The following CAMK1D variants were observed in gnomAD, a reference collection of about 807,000 sequenced individuals.
The protein encoded by CAMK1D is calcium/calmodulin dependent protein kinase ID, also known as calcium/calmodulin-dependent protein kinase type 1D.
Under a neutral mutation model 47.7 loss-of-function variants are expected in CAMK1D, and 9 were observed. The ratio of observed to expected loss-of-function variants is 0.19; its 90% CI spans 0.11 to 0.33. The LOEUF is 0.33. Among genes scored for constraint, CAMK1D ranks in the 10% least tolerant of loss-of-function variants. The pLI is 1.00. For missense variants in CAMK1D, 291 were observed against 488.7 expected (o/e 0.60, Z 3.81); for synonymous variants, 184 against 184.9 (o/e 0.99, Z 0.04).
At chr10:12,577,186 AG>A (rs58047854) in intron 2 of CAMK1D, among the ~76,000 whole-genome samples, 11,177 of 152,230 alleles carry the variant, frequency 0.073, 1,227 homozygotes, top group African/African-American at 0.24. Flanking sequence ...AACACAAGCC[AG>A]GACAAGCCCA....
intron 2 of CAMK1D, among the ~76,000 whole-genome samples, chr10:12,555,846 A>G (rs1334770446): frequency 1.3e-5 from 2 of 152,040 alleles, no homozygotes; most frequent in African/African-American, 2.4e-5. Context: ...TTTTAGCATT[A>G]TTTTTCATTT....
chr10:12,593,050 G>A (rs532718397), intron 2 of CAMK1D, among the ~76,000 whole-genome samples: 33 of 152,256 alleles, frequency 2.2e-4, no homozygotes, highest in African/African-American at 6.7e-4. Context: ...TCTATAAGGG[G>A]TCCAGTAGTA....
chr10:12,645,064 GT>G (rs1195677038), intron 2 of CAMK1D, among the ~76,000 whole-genome samples: 1 of 150,826 alleles, frequency 6.6e-6, no homozygotes, highest in Non-Finnish European at 1.5e-5. Flanking sequence ...TACTTCAGTT[GT>G]CTTAGAATCA....
At position 12,469,597 on chromosome 10, in the gene CAMK1D, T is replaced by C. The variant is rs145495073; in HGVS notation, c.93-83628T>C. Among the ~76,000 whole-genome samples the C allele has an allele frequency of 2.5e-3, 374 of 152,328 alleles. 4 individuals carry two copies. The highest frequency in any genetic ancestry group is 8.3e-3 in the African/African-American group (346 of 41,576). On this transcript the variant is annotated intron_variant, in intron 1 of 10. Transcript: ENST00000619168. ...ATAACTACACAACTACAGCTTATGA[T>C]GTGGAAACCTGGATAGCTTATTTCC...
chr10:12,448,237 C>T (rs748833990), intron 1 of CAMK1D, among the ~76,000 whole-genome samples: 19 of 151,654 alleles, frequency 1.3e-4, no homozygotes, highest in Non-Finnish European at 2.5e-4. Context: ...ATTGCCCAGG[C>T]TGATCTTGAA....
intron 2 of CAMK1D, among the ~76,000 whole-genome samples, chr10:12,622,189 A>G (rs1479062961): frequency 6.6e-6 from 1 of 152,142 alleles, no homozygotes; most frequent in East Asian, 1.9e-4. Flanking sequence ...TGAGGTGGAC[A>G]CCTAGGCCCC....
chr10:12,510,026 G>A (rs1305824291), intron 1 of CAMK1D, among the ~76,000 whole-genome samples: 1 of 152,206 alleles, frequency 6.6e-6, no homozygotes, highest in Non-Finnish European at 1.5e-5. Context: ...GGAAAGTCAG[G>A]CTTTCAGACA....
chr10:12,527,733 C>T (rs1835673562), intron 1 of CAMK1D, among the ~76,000 whole-genome samples: 1 of 152,200 alleles, frequency 6.6e-6, no homozygotes, highest in Non-Finnish European at 1.5e-5. Context: ...ATCCAGGAAA[C>T]TTACCAGTGG....
At chr10:12,373,941 A>C (rs1333306569) in intron 1 of CAMK1D, among the ~76,000 whole-genome samples, 1 of 136,264 alleles carries the variant, frequency 7.3e-6, no homozygotes, top group Non-Finnish European at 1.5e-5. Flanking sequence ...TGGGCAAGAC[A>C]GCGACACTCT....
At chr10:12,743,917 A>G (rs57253994) in intron 3 of CAMK1D, among the ~76,000 whole-genome samples, 18,432 of 151,908 alleles carry the variant, frequency 0.12, 2,805 homozygotes, top group African/African-American at 0.36. Context: ...CAGCTACTCC[A>G]GAGGCTGAAA....
intron 1 of CAMK1D, among the ~76,000 whole-genome samples, chr10:12,367,212 C>G (rs569404015): frequency 7.2e-5 from 11 of 152,226 alleles, no homozygotes; most frequent in Admixed American, 4.6e-4. Context: ...TGCTTCATGA[C>G]ATAAAATAAA....
chr10:12,472,624 C>T (rs1329444089), intron 1 of CAMK1D, among the ~76,000 whole-genome samples: 1 of 152,052 alleles, frequency 6.6e-6, no homozygotes, highest in African/African-American at 2.4e-5. Context: ...TGGGTACAAG[C>T]GATTCTCCTT....
At chr10:12,784,355 G>A (rs1223520886) in intron 5 of CAMK1D, among the ~76,000 whole-genome samples, 3 of 152,014 alleles carry the variant, frequency 2.0e-5, no homozygotes, top group Admixed American at 6.6e-5. Flanking sequence ...CCACCACCGC[G>A]TCTGGCTAAT....
intron 1 of CAMK1D, among the ~76,000 whole-genome samples, chr10:12,471,857 C>T (rs1390811467): frequency 6.6e-6 from 1 of 151,552 alleles, no homozygotes; most frequent in African/African-American, 2.4e-5. Flanking sequence ...CATAGCAAGA[C>T]TCTCTCTCTA....
At chr10:12,387,498 T>C (rs1282357676) in intron 1 of CAMK1D, among the ~76,000 whole-genome samples, 1 of 138,818 alleles carries the variant, frequency 7.2e-6, no homozygotes, top group Non-Finnish European at 1.5e-5. Context: ...AGTTATATTA[T>C]GTGTATCTCG....
At chr10:12,411,167 A>C (rs936995460) in intron 1 of CAMK1D, among the ~76,000 whole-genome samples, 2 of 152,084 alleles carry the variant, frequency 1.3e-5, no homozygotes, top group Non-Finnish European at 2.9e-5. Flanking sequence ...GTGCCCACTA[A>C]CCATCCCTGG....
intron 1 of CAMK1D, among the ~76,000 whole-genome samples, chr10:12,533,202 C>T (rs533465923): frequency 3.3e-5 from 5 of 152,232 alleles, no homozygotes; most frequent in African/African-American, 1.2e-4. Flanking sequence ...AATATATACA[C>T]CTACTGTGTA....
At chr10:12,820,529 A>T (rs1832977929) in intron 8 of CAMK1D, among the ~76,000 whole-genome samples, 1 of 152,184 alleles carries the variant, frequency 6.6e-6, no homozygotes, top group South Asian at 2.1e-4. Flanking sequence ...GCCCCTCCTC[A>T]TCAGCGGCAG....
At chr10:12,604,962 A>G (rs887789666) in intron 2 of CAMK1D, among the ~76,000 whole-genome samples, 1 of 150,546 alleles carries the variant, frequency 6.6e-6, no homozygotes, top group Non-Finnish European at 1.5e-5. Flanking sequence ...ATCTCAACTC[A>G]CTGCAACCTC....
Sources: allele counts gnomAD v4.1 joint callset (sites outside exome capture counted in the v4.1 genomes callset), GRCh38; gene constraint gnomAD v4.1.1; transcripts MANE v1.5; gene names NCBI Gene and HGNC (gene_info 2026-07-23, HGNC 2026-07-21).